ACSM3: variants seen among roughly 807,000 people sequenced by gnomAD.
ACSM3 encodes acyl-CoA synthetase medium chain family member 3.
Under a neutral mutation model 74.1 loss-of-function variants are expected in ACSM3, and 61 were observed. The ratio of observed to expected loss-of-function variants is 0.82; its 90% CI spans 0.67 to 1.02. The LOEUF (loss-of-function observed/expected upper bound fraction) is 1.02. Ranked by LOEUF, ACSM3 falls within the 50% of genes least tolerant of loss-of-function variation. The pLI is 0.00. For synonymous variants in ACSM3, 213 were observed against 241.5 expected (o/e 0.88, Z 1.09); for missense variants, 660 against 697.0 (o/e 0.95, Z 0.60).
chr16:20,689,110 G>A (rs1299908609), intron 1 of ACSM3, among the ~76,000 whole-genome samples: 1 of 150,900 alleles, frequency 6.6e-6, no homozygotes, highest in East Asian at 1.9e-4. Flanking sequence ...GTGTGGGGAG[G>A]GGCTGGCTGG....
chr16:20,757,298 T>C (rs1222592092), intron 3 of ACSM3, among the ~76,000 whole-genome samples: 2 of 150,694 alleles, frequency 1.3e-5, no homozygotes, highest in Non-Finnish European at 3.0e-5. Flanking sequence ...GTTTGTATCC[T>C]CTTTTATTTC....
chr16:20,683,583 A>G (rs1045820578), intron 1 of ACSM3, among the ~76,000 whole-genome samples: 2 of 150,352 alleles, frequency 1.3e-5, no homozygotes, highest in African/African-American at 4.9e-5. Flanking sequence ...CCATGCTTGG[A>G]ATGTCCTTCC....
chr16:20,685,407 G>A (rs774200825), intron 1 of ACSM3: 1 of 1,613,886 alleles, frequency 6.2e-7, no homozygotes, highest in South Asian at 1.1e-5. Flanking sequence ...TGCCCTCCTG[G>A]TCAAGACCAT....
At position 20,780,785 on chromosome 16, in the gene ACSM3, G is replaced by C; in HGVS notation, c.710G>C (p.Gly237Ala). Residue 237 changes from glycine to alanine, a missense_variant, in exon 5 of 14, where the codon GGA (glycine) becomes GCA (alanine). Transcript: ENST00000289416. ...NEIMAIFFTSGTSGYPKMTAH... is the reference protein window; with the variant it reads ...NEIMAIFFTSATSGYPKMTAH... Reference sequence around the variant, plus strand: ...ATCATGGCCATATTCTTTACCAGTGGAACAAGTGGATATCCGAAAATGACT... The same window carrying C: ...ATCATGGCCATATTCTTTACCAGTGCAACAAGTGGATATCCGAAAATGACT... 6.2e-7 allele frequency: 1 copy of C among 1,614,194 alleles called. No individual in the cohort carries two copies.
intron 1 of ACSM3, among the ~76,000 whole-genome samples, chr16:20,765,336 A>G (rs1198661190): frequency 6.6e-6 from 1 of 152,212 alleles, no homozygotes; most frequent in Non-Finnish European, 1.5e-5. Flanking sequence ...TTTGTTGAGG[A>G]GAAGGTAATC....
chr16:20,755,786 C>CG (rs67515746), intron 3 of ACSM3, among the ~76,000 whole-genome samples: 13,403 of 100,824 alleles, frequency 0.13, 832 homozygotes, highest in East Asian at 0.26. Context: ...CCCTCCCCCC[C>CG]CCCCACCCCA....
chr16:20,704,480 C>T (rs2079721532), intron 1 of ACSM3, among the ~76,000 whole-genome samples: 1 of 152,164 alleles, frequency 6.6e-6, no homozygotes, highest in African/African-American at 2.4e-5. Flanking sequence ...TGAGAGAACA[C>T]ACAGGCCCTT....
intron 1 of ACSM3, among the ~76,000 whole-genome samples, chr16:20,743,264 C>G (rs540401877): frequency 6.6e-6 from 1 of 151,978 alleles, no homozygotes; most frequent in African/African-American, 2.4e-5. Flanking sequence ...TTTCCCCTCG[C>G]GCATTTCCCA....
intron 1 of ACSM3, among the ~76,000 whole-genome samples, chr16:20,685,719 C>G (rs2079535788): frequency 6.6e-6 from 1 of 150,456 alleles, no homozygotes; most frequent in East Asian, 2.0e-4. Flanking sequence ...ATTCAGGAGG[C>G]TGAGGTAGGA....
intron 1 of ACSM3, among the ~76,000 whole-genome samples, chr16:20,698,203 A>G (rs1018802635): frequency 4.0e-5 from 6 of 151,710 alleles, no homozygotes; most frequent in African/African-American, 7.3e-5. Flanking sequence ...AAAAAAAAAA[A>G]AAAGAAAAAC....
intron 1 of ACSM3, among the ~76,000 whole-genome samples, chr16:20,691,916 G>A (rs943482521): frequency 5.9e-5 from 9 of 152,026 alleles, no homozygotes; most frequent in Non-Finnish European, 8.8e-5. Flanking sequence ...CCCTACAGGC[G>A]AGAATGAAAC....
At chr16:20,743,193 C>A (rs1247866826) in intron 1 of ACSM3, among the ~76,000 whole-genome samples, 1 of 152,136 alleles carries the variant, frequency 6.6e-6, no homozygotes, top group Non-Finnish European at 1.5e-5. Context: ...CCGCCTCGGC[C>A]TCCCAAAGTG....
At chr16:20,729,072 C>T (rs533386776) in intron 1 of ACSM3, among the ~76,000 whole-genome samples, 8 of 152,238 alleles carry the variant, frequency 5.3e-5, no homozygotes, top group Non-Finnish European at 1.0e-4. Flanking sequence ...CAAGCCAATG[C>T]AGTCCAGCAT....
chr16:20,761,509 G>A (rs911878482), upstream of ACSM3, among the ~76,000 whole-genome samples: 1 of 152,158 alleles, frequency 6.6e-6, no homozygotes, highest in Non-Finnish European at 1.5e-5. Flanking sequence ...ACCCAAGCTG[G>A]TGTCCACTGG....
In ACSM3 at chr16:20,679,082, T is replaced by C. The variant is rs2079379707; in HGVS notation, c.-190+4260T>C. On this transcript the variant is annotated intron_variant, in intron 1 of 3. Transcript: ENST00000561584. ...TAAGGATTTTCTTTAAGTTAAAAAATGGAATCCAACCACTCTAGGACCCAT... is the reference window on the plus strand; with the variant it reads ...TAAGGATTTTCTTTAAGTTAAAAAACGGAATCCAACCACTCTAGGACCCAT... 2.0e-5 allele frequency: 3 copies of C among 152,214 alleles called. No individual in the cohort carries two copies. In the South Asian group the frequency reaches 6.2e-4, roughly 32 times the overall value. 9.4% of individuals were successfully genotyped at this position (152,214 alleles called of 1,614,324 possible).
chr16:20,747,453 AC>A (rs2079962605), intron 1 of ACSM3, among the ~76,000 whole-genome samples: 1 of 151,642 alleles, frequency 6.6e-6, no homozygotes, highest in South Asian at 2.1e-4. Flanking sequence ...AAACTGGCCA[AC>A]CCCCTTTCAA....
intron 3 of ACSM3, among the ~76,000 whole-genome samples, chr16:20,758,119 G>A (rs1414330115): frequency 1.3e-5 from 2 of 152,152 alleles, no homozygotes; most frequent in Non-Finnish European, 2.9e-5. Context: ...GTCTCTGCCC[G>A]GCTTTGGTAT....
chr16:20,685,531 C>A, intron 1 of ACSM3: 1 of 886,596 alleles, frequency 1.1e-6, no homozygotes, highest in Non-Finnish European at 1.8e-6. Context: ...CATTTTAAAA[C>A]ATTTATACAG....
chr16:20,741,481 G>GGGGGGGGGGGCCCCCCCCCCCCC, intron 1 of ACSM3: 4 of 1,308,406 alleles, frequency 3.1e-6, no homozygotes, highest in Non-Finnish European at 4.0e-6. Flanking sequence ...CTGGCAGCCG[G>GGGGGGGGGGGCCCCCCCCCCCCC]CCCGCCCGCC....
Sources: gnomAD v4.1 joint callset for allele counts (sites outside exome capture counted in the v4.1 genomes callset) on GRCh38, gnomAD v4.1.1 for gene constraint, MANE v1.5 for transcripts, NCBI Gene and HGNC (gene_info 2026-07-23, HGNC 2026-07-21) for gene names.